Variants in BIN2 observed in about 807,000 individuals in gnomAD.
The protein encoded by BIN2 is breast cancer associated protein BRAP1.
Under a neutral mutation model 67.9 loss-of-function variants are expected in BIN2, and 43 were observed. That is an observed-to-expected ratio of 0.63 (90% confidence interval 0.50 to 0.82). The LOEUF (loss-of-function observed/expected upper bound fraction) is 0.82. Ranked by LOEUF, BIN2 falls within the 40% of genes least tolerant of loss-of-function variation. The probability of loss-of-function intolerance (pLI) is 0.00; values close to 1 mark genes in which losing one functional copy is unlikely to be tolerated. For synonymous variants in BIN2, 244 were observed against 246.8 expected (o/e 0.99, Z 0.11); for missense variants, 581 against 671.6 (o/e 0.87, Z 1.49).
At position 51,302,011 on chromosome 12, in the gene BIN2, A is replaced by AT; in HGVS notation, c.408+8dup. The AT allele has an allele frequency of 6.3e-7, 1 of 1,599,766 alleles. No homozygotes were observed. The highest frequency in any genetic ancestry group is 8.6e-7 in the Non-Finnish European group (1 of 1,167,076). ...CCACAACCCAGCCTTGATTCTGTAC[A>AT]TTGAGTACCTTAATTTCACTGAACT... On this transcript the variant is annotated intron_variant, in intron 5 of 12. Coordinates refer to ENST00000615107, the MANE Select transcript of BIN2 (RefSeq NM_016293.4).
chr12:51,306,355 G>A (rs181210703), intron 2 of BIN2, among the ~76,000 whole-genome samples: 23 of 152,336 alleles, frequency 1.5e-4, no homozygotes, highest in African/African-American at 5.5e-4. Flanking sequence ...GGCCAGGCGA[G>A]GTAGCTCAAA....
Position 51,297,077 on chromosome 12 carries a change from G to A in BIN2, c.678+12C>T. 1.9e-6 allele frequency: 3 copies of A among 1,610,822 alleles called. No individual in the cohort carries two copies. The highest frequency in any genetic ancestry group is 2.5e-6 in the Non-Finnish European group (3 of 1,177,264). ...CACACCTAGGAGCCTCAATTGGCCA[G>A]ACACCTCTCACCTTGCTCATTTCCC... On this transcript the variant is annotated intron_variant, in intron 8 of 12. Transcript: ENST00000615107.
chr12:51,288,924 AT>A (rs1350873397), intron 10 of BIN2, among the ~76,000 whole-genome samples: 1 of 151,882 alleles, frequency 6.6e-6, no homozygotes, highest in Admixed American at 6.6e-5. Flanking sequence ...AACTTTTTGT[AT>A]TTTTAGTAGA....
chr12:51,297,591 C>G (rs1945602173), intron 7 of BIN2, among the ~76,000 whole-genome samples: 2 of 151,936 alleles, frequency 1.3e-5, no homozygotes, highest in Admixed American at 6.6e-5. Context: ...GAAAGCCATC[C>G]CACATCCCAC....
At chr12:51,323,972 C>T (rs1293660576) in intron 1 of BIN2, 50 bp downstream of exon 1, 1 of 1,602,190 alleles carries the variant, frequency 6.2e-7, no homozygotes, top group Non-Finnish European at 8.5e-7. Context: ...GGCTCGGCCT[C>T]GGCCTCGGCT....
intron 1 of BIN2, among the ~76,000 whole-genome samples, chr12:51,320,631 ATTCT>A (rs765049227): frequency 0.017 from 2,445 of 144,364 alleles, 55 homozygotes; most frequent in African/African-American, 0.058. Context: ...TATTATCATT[ATTCT>A]TTTTTTTTTT....
chr12:51,297,255 C>A, intron 7 of BIN2, 91 bp from the exon 8 acceptor site: 1 of 1,288,152 alleles, frequency 7.8e-7, no homozygotes, highest in Non-Finnish European at 1.1e-6. Flanking sequence ...AAGCCAAAAC[C>A]AGCCACCAAG....
chr12:51,297,147 A>C lies in BIN2; in HGVS notation c.620T>G (p.Val207Gly). 3 of 1,614,076 alleles carry C rather than the reference A, an allele frequency of 1.9e-6. No individual in the cohort carries two copies. The African/African-American group carries it at 4.0e-5, about 22-fold the overall frequency. Residue 207 changes from valine (V) to glycine (G), a missense_variant, in exon 8 of 13, where the codon GTG (valine) becomes GGG (glycine). Physicochemically the swap from Val to Gly is moderately radical, Grantham distance 109 (BLOSUM62 -3). Transcript: ENST00000615107. Reference protein sequence around the residue: ...ILYNSRIGCYVTIFQNISNLR... With the variant: ...ILYNSRIGCYGTIFQNISNLR... Reference sequence around the variant, plus strand: ...GTTGGAAATGTTTTGGAAGATGGTCACATAGCAGCCAATACGACTATTAGG... The same window carrying C: ...GTTGGAAATGTTTTGGAAGATGGTCCCATAGCAGCCAATACGACTATTAGG...
upstream of BIN2, chr12:51,324,301 G>T: frequency 7.3e-7 from 1 of 1,373,954 alleles, no homozygotes; most frequent in Admixed American, 3.1e-5. Context: ...GGAGGGGCGG[G>T]CCCGGGGCCT....
intron 6 of BIN2, 51 bp downstream of exon 6, chr12:51,299,556 A>G (rs755797466): frequency 2.6e-5 from 40 of 1,545,630 alleles, no homozygotes; most frequent in Non-Finnish European, 3.2e-5. Flanking sequence ...CACCATGGGG[A>G]GAAGGAGAAC....
chr12:51,304,554 C>T (rs1945817828), intron 2 of BIN2, among the ~76,000 whole-genome samples: 1 of 152,206 alleles, frequency 6.6e-6, no homozygotes, highest in African/African-American at 2.4e-5. Context: ...CAGCCCACTT[C>T]AAGGGAACTC....
intron 2 of BIN2, among the ~76,000 whole-genome samples, chr12:51,313,427 C>G (rs1946048544): frequency 6.6e-6 from 1 of 151,608 alleles, no homozygotes; most frequent in Non-Finnish European, 1.5e-5. Flanking sequence ...CAACCTCTGC[C>G]TCCCAGGTTC....
chr12:51,303,355 C>G (rs1257540667), intron 2 of BIN2, among the ~76,000 whole-genome samples: 2 of 152,104 alleles, frequency 1.3e-5, no homozygotes, highest in Non-Finnish European at 2.9e-5. Context: ...TGCTAAAGCT[C>G]CCATTACACT....
In BIN2 at chr12:51,302,010, C is replaced by A. The variant is rs1366657440; in HGVS notation, c.408+10G>T. The A allele has an allele frequency of 6.3e-7, 1 of 1,597,182 alleles. No individual in the cohort carries two copies. The highest frequency in any genetic ancestry group is 8.6e-7 in the Non-Finnish European group (1 of 1,164,712). Reference sequence around the variant, plus strand: ...TCCACAACCCAGCCTTGATTCTGTACATTGAGTACCTTAATTTCACTGAAC... The same window carrying A: ...TCCACAACCCAGCCTTGATTCTGTAAATTGAGTACCTTAATTTCACTGAAC... On this transcript the variant is annotated intron_variant, in intron 5 of 12. Coordinates refer to ENST00000615107, the MANE Select transcript of BIN2 (RefSeq NM_016293.4).
chr12:51,317,223 A>C (rs1156359134), intron 1 of BIN2, among the ~76,000 whole-genome samples: 2 of 151,990 alleles, frequency 1.3e-5, no homozygotes, highest in Non-Finnish European at 2.9e-5. Flanking sequence ...TAGGCTCCTT[A>C]AGGTTTAGGT....
intron 2 of BIN2, among the ~76,000 whole-genome samples, chr12:51,313,113 C>T (rs560588693): frequency 1.2e-3 from 178 of 151,454 alleles, no homozygotes; most frequent in African/African-American, 4.1e-3. Flanking sequence ...TGGCACACAC[C>T]TGTAATCTCA....
At chr12:51,295,634 A>G (rs1423676039) in intron 9 of BIN2, among the ~76,000 whole-genome samples, 162 bp downstream of exon 9, 1 of 138,218 alleles carries the variant, frequency 7.2e-6, no homozygotes, top group African/African-American at 2.7e-5. Context: ...ATATATATTT[A>G]GTAAAAAGCA....
chr12:51,302,220 G>T, intron 4 of BIN2, 105 bp from the exon 5 acceptor site: 1 of 749,210 alleles, frequency 1.3e-6, no homozygotes, highest in Non-Finnish European at 2.3e-6. Flanking sequence ...TTGTAGCACC[G>T]TATTTAGAAT....
chr12:51,319,889 T>A (rs760923996), intron 1 of BIN2, among the ~76,000 whole-genome samples: 3 of 152,212 alleles, frequency 2.0e-5, no homozygotes, highest in Non-Finnish European at 4.4e-5. Flanking sequence ...ATATTTGATA[T>A]TATAAAATTT....
Sources: gnomAD v4.1 joint callset for allele counts (sites outside exome capture counted in the v4.1 genomes callset) on GRCh38, gnomAD v4.1.1 for gene constraint, MANE v1.5 for transcripts, NCBI Gene and HGNC (gene_info 2026-07-23, HGNC 2026-07-21) for gene names.